Variants in MYH10 observed in about 807,000 individuals in gnomAD.
The protein encoded by MYH10 is myosin heavy chain 10.
A neutral mutation model predicts 257.8 loss-of-function variants in MYH10; 55 were observed. That is an observed-to-expected ratio of 0.21 (90% CI 0.17 to 0.27). The LOEUF is 0.27. MYH10 is among the 10% of genes least tolerant of loss of function. MYH10 has a pLI of 1.00. For synonymous variants in MYH10, 854 were observed against 921.7 expected (o/e 0.93, Z 1.33); for missense variants, 1,631 against 2,500.6 (o/e 0.65, Z 7.42).
chr17:8,576,352 T>G (rs2083496770), intron 6 of MYH10, among the ~76,000 whole-genome samples: 2 of 152,164 alleles, frequency 1.3e-5, no homozygotes, highest in South Asian at 2.1e-4. Context: ...TAATTCCACC[T>G]AGTAAATGAC....
At chr17:8,613,212 C>T (rs371994711) in intron 2 of MYH10, among the ~76,000 whole-genome samples, 3 of 152,122 alleles carry the variant, frequency 2.0e-5, no homozygotes, top group Non-Finnish European at 2.9e-5. Context: ...AAACAACCGC[C>T]GGCTCTGAAT....
At chr17:8,611,276 T>C (rs896452640) in intron 2 of MYH10, among the ~76,000 whole-genome samples, 1 of 152,206 alleles carries the variant, frequency 6.6e-6, no homozygotes, top group Non-Finnish European at 1.5e-5. Flanking sequence ...CTACATGTCC[T>C]AGTTTCCCTA....
At chr17:8,479,873 C>T (rs1316578154) in intron 40 of MYH10, among the ~76,000 whole-genome samples, 4 of 152,186 alleles carry the variant, frequency 2.6e-5, no homozygotes, top group Admixed American at 6.5e-5. Flanking sequence ...TAGGAAATCA[C>T]GGGGCGCCGT....
At position 8,492,984 on chromosome 17, in the gene MYH10, G is replaced by A; in HGVS notation, c.4250C>T (p.Thr1417Ile). The change falls in exon 33 of 43, where the codon ACA becomes ATA. Residue 1417 changes from threonine (T) to isoleucine (I), a missense_variant. By Grantham distance (89) the Thr-to-Ile change is moderately conservative. Coordinates refer to ENST00000360416, the MANE Select transcript of MYH10 (RefSeq NM_001256012.3). ...CTTGGCTTCTTCCAGACTTTCAATT[G>A]TTCCCAGGTCGTCATCTACTTTCTT... The part of the protein sequence containing the change: ...TKKKVDDDLG[T>I]IESLEEAKKK... 1 of 1,613,944 alleles carries A rather than the reference G, an allele frequency of 6.2e-7. No individual in the cohort carries two copies. The highest frequency in any genetic ancestry group is 8.5e-7 in the Non-Finnish European group (1 of 1,180,016).
At chr17:8,507,698 G>A (rs954369847) in intron 26 of MYH10, among the ~76,000 whole-genome samples, 12 of 152,186 alleles carry the variant, frequency 7.9e-5, no homozygotes, top group African/African-American at 2.7e-4. Flanking sequence ...CAGGCCTGGC[G>A]CCATGGCTCA....
intron 7 of MYH10, among the ~76,000 whole-genome samples, chr17:8,562,660 G>A (rs1263448550): frequency 6.6e-6 from 1 of 152,180 alleles, no homozygotes; most frequent in Non-Finnish European, 1.5e-5. Flanking sequence ...AGTACCTTGT[G>A]TATTAATTAC....
intron 17 of MYH10, among the ~76,000 whole-genome samples, chr17:8,526,651 G>A (rs1350993264): frequency 2.0e-5 from 3 of 152,072 alleles, no homozygotes; most frequent in Non-Finnish European, 4.4e-5. Flanking sequence ...AAAATGCAAC[G>A]TGTCGTCTAT....
chr17:8,487,003 C>T (rs1914924247), intron 36 of MYH10, among the ~76,000 whole-genome samples: 1 of 152,176 alleles, frequency 6.6e-6, no homozygotes, highest in South Asian at 2.1e-4. Flanking sequence ...CCCCTGCCTG[C>T]CTGCTCACAC....
At chr17:8,590,869 T>C (rs1431526240) in intron 3 of MYH10, among the ~76,000 whole-genome samples, 1 of 104,666 alleles carries the variant, frequency 9.6e-6, no homozygotes, top group Admixed American at 1.2e-4. Flanking sequence ...TTTCTCAATG[T>C]CGCCTTTTTT....
rs2082665692 is a variant in MYH10, at chr17:8,552,274, A to T, written c.821-130T>A. The T allele has an allele frequency of 4.6e-6, 2 of 436,862 alleles. No homozygotes were observed. The highest frequency in any genetic ancestry group is 7.9e-6 in the Non-Finnish European group (2 of 252,364). 27.1% of individuals were successfully genotyped at this position (436,862 alleles called of 1,614,324 possible). A position where few individuals can be genotyped will look rare whatever the true frequency, so the allele number is the denominator to read the frequency against. On this transcript the variant is annotated intron_variant, in intron 8 of 42. Coordinates refer to ENST00000360416, the MANE Select transcript of MYH10 (RefSeq NM_001256012.3). This position sits in a 1 kb window ranked among gnomAD's most constrained non-coding sequence, Gnocchi z 4.8. The stretch of plus-strand genomic sequence containing the variant: ...CTGATTATTATATAAACTATCCTGC[A>T]ATGAACTATTCTAAATGACTGTCTT...
At chr17:8,484,939 AT>A (rs1173383789) in intron 36 of MYH10, among the ~76,000 whole-genome samples, 1 of 152,246 alleles carries the variant, frequency 6.6e-6, no homozygotes, top group African/African-American at 2.4e-5. Context: ...TAACAATGCA[AT>A]AGAGATTCTA....
intron 9 of MYH10, 107 bp from the exon 10 acceptor site, chr17:8,548,894 T>C (rs552488518): frequency 1.2e-5 from 10 of 828,814 alleles, no homozygotes; most frequent in Non-Finnish European, 1.7e-5. Flanking sequence ...GTGGTCACCA[T>C]GCAACCCATT....
intron 7 of MYH10, among the ~76,000 whole-genome samples, chr17:8,558,746 T>C (rs1413805772): frequency 6.6e-6 from 1 of 152,258 alleles, no homozygotes. Context: ...TAGCTCATAT[T>C]TTGTTGACAA....
chr17:8,583,881 C>T (rs768177230), intron 4 of MYH10, among the ~76,000 whole-genome samples: 2 of 152,140 alleles, frequency 1.3e-5, no homozygotes, highest in Non-Finnish European at 2.9e-5. Context: ...AAGGAGAAAA[C>T]CAACTTGCCT....
At position 8,474,572 on chromosome 17, in the gene MYH10, C is replaced by T. The variant is rs1912193890; in HGVS notation, c.*1232G>A. On this transcript the variant is annotated 3_prime_UTR_variant, in exon 43 of 43. Coordinates refer to ENST00000360416, the MANE Select transcript of MYH10 (RefSeq NM_001256012.3). Reference sequence around the variant, plus strand: ...CTGAATGTCTGTAATACCACTTTGACTAGAGAGGTACATGATATGAAGCAC... The same window carrying T: ...CTGAATGTCTGTAATACCACTTTGATTAGAGAGGTACATGATATGAAGCAC... The T allele has an allele frequency of 1.3e-5, 2 of 152,590 alleles. No individual in the cohort carries two copies. The highest frequency in any genetic ancestry group is 2.9e-5 in the Non-Finnish European group (2 of 68,032). The allele number at this position is 152,590 out of a possible 1,614,324, so 9.5% of individuals were successfully genotyped here.
At chr17:8,578,509 TTC>T (rs1433276324) in intron 4 of MYH10, among the ~76,000 whole-genome samples, 2 of 152,152 alleles carry the variant, frequency 1.3e-5, no homozygotes, top group African/African-American at 4.8e-5. Context: ...TGTGTTTTGT[TTC>T]TTTTTAATCC....
At chr17:8,515,638 G>A (rs1450596370) in intron 21 of MYH10, among the ~76,000 whole-genome samples, 2 of 145,184 alleles carry the variant, frequency 1.4e-5, no homozygotes, top group Non-Finnish European at 3.0e-5. Context: ...TGCCTCTTGG[G>A]CTCAAGCGAT....
chr17:8,513,781 C>T lies in MYH10; in HGVS notation c.2613+5G>A, dbSNP rs181560534. On this transcript the variant is annotated splice_donor_5th_base_variant and intron_variant, in intron 22 of 42. Transcript: ENST00000360416. ...GGGATCTGGAAAGAAGTGAGCCAAG[C>T]TCACCTTTGTGAAGACTCGCCACCA... is the stretch of plus-strand genomic sequence containing the variant. The T allele has an allele frequency of 8.3e-5, 134 of 1,613,976 alleles. No homozygotes were observed. Among genetic ancestry groups the T allele is most frequent in the Non-Finnish European group, 9.8e-5 (116 of 1,179,988 alleles).
intron 2 of MYH10, among the ~76,000 whole-genome samples, chr17:8,621,359 C>T (rs770204088): frequency 2.6e-5 from 4 of 152,132 alleles, no homozygotes; most frequent in Admixed American, 6.6e-5. Context: ...GATCCATCAG[C>T]CCCTCCCACC....
Sources: gnomAD v4.1 joint callset for allele counts (sites outside exome capture counted in the v4.1 genomes callset) on GRCh38, gnomAD v4.1.1 for gene constraint, Gnocchi (gnomAD v3.1) non-coding constraint, MANE v1.5 for transcripts, NCBI Gene and HGNC (gene_info 2026-07-23, HGNC 2026-07-21) for gene names.